KCNK13: variants seen among roughly 807,000 people sequenced by gnomAD.
KCNK13 encodes potassium two pore domain channel subfamily K member 13.
In KCNK13, 12 loss-of-function variants were observed where a neutral mutation model predicts 23.4. The ratio of observed to expected loss-of-function variants is 0.51; its 90% confidence interval spans 0.33 to 0.83. KCNK13 has a LOEUF of 0.83. Ranked by LOEUF, KCNK13 falls within the 40% of genes least tolerant of loss-of-function variation. The pLI, the probability that KCNK13 is intolerant of heterozygous loss-of-function variation, is 0.02. For synonymous variants in KCNK13, 231 were observed against 229.5 expected (o/e 1.01, Z -0.06); for missense variants, 463 against 556.3 (o/e 0.83, Z 1.69).
At chr14:90,107,863 G>C (rs542748319) in intron 1 of KCNK13, 84 of 826,530 alleles carry the variant, frequency 1.0e-4, no homozygotes, top group Non-Finnish European at 1.7e-4. Flanking sequence ...ATTTGGAACA[G>C]CTCACGGGAG....
intron 1 of KCNK13, among the ~76,000 whole-genome samples, chr14:90,112,368 AG>A (rs1001574118): frequency 1.4e-4 from 22 of 152,360 alleles, no homozygotes; most frequent in African/African-American, 4.6e-4. Flanking sequence ...AACATCAAAA[AG>A]AACTGGATGA....
chr14:90,154,767 T>C (rs563903486), intron 1 of KCNK13, among the ~76,000 whole-genome samples: 47 of 152,338 alleles, frequency 3.1e-4, no homozygotes, highest in African/African-American at 9.4e-4. Flanking sequence ...AATTTTCCCT[T>C]GGACACTTGC....
intron 1 of KCNK13, among the ~76,000 whole-genome samples, chr14:90,137,933 G>A (rs17223880): frequency 0.099 from 15,085 of 152,180 alleles, 1,059 homozygotes; most frequent in Admixed American, 0.25. Flanking sequence ...AGACAGGATC[G>A]GTTCTCAATG....
intron 1 of KCNK13, among the ~76,000 whole-genome samples, chr14:90,068,150 C>T (rs1030632700): frequency 1.9e-4 from 29 of 152,248 alleles, no homozygotes; most frequent in African/African-American, 6.3e-4. Context: ...ATGGCCACCA[C>T]CACCTGCAAG....
At chr14:90,136,514 A>T (rs1454843776) in intron 1 of KCNK13, among the ~76,000 whole-genome samples, 3 of 111,302 alleles carry the variant, frequency 2.7e-5, no homozygotes, top group African/African-American at 6.4e-5. Context: ...GGAGGGAATT[A>T]AAAAAAAAAA....
chr14:90,150,400 G>A (rs972787255), intron 1 of KCNK13, among the ~76,000 whole-genome samples: 1 of 152,110 alleles, frequency 6.6e-6, no homozygotes, highest in Non-Finnish European at 1.5e-5. Flanking sequence ...ACTGTTAGCG[G>A]CCAGGAGTTC....
At chr14:90,073,740 G>A (rs544572811) in intron 1 of KCNK13, among the ~76,000 whole-genome samples, 163 of 152,138 alleles carry the variant, frequency 1.1e-3, no homozygotes, top group African/African-American at 3.7e-3. Context: ...GCACGATCTC[G>A]GCTCACTGCA....
At position 90,184,089 on chromosome 14, in the gene KCNK13, C is replaced by T; in HGVS notation, c.335-22C>T. On this transcript the variant is annotated intron_variant, in intron 1 of 1. Coordinates refer to ENST00000282146, the MANE Select transcript of KCNK13 (RefSeq NM_022054.4). The surrounding 1 kb of genome is among the most constrained non-coding windows in gnomAD (Gnocchi z 5.6). The stretch of plus-strand genomic sequence containing the variant: ...CACAGCAAAGATTTCTCTTACTCTT[C>T]TCTCATTTTTCTCTCCTGCAGGGTT... The T allele has an allele frequency of 6.3e-7, 1 of 1,596,630 alleles. No homozygotes were observed. Among genetic ancestry groups the T allele is most frequent in the South Asian group, 1.1e-5 (1 of 88,774 alleles).
At chr14:90,131,709 T>G (rs1325090580) in intron 1 of KCNK13, among the ~76,000 whole-genome samples, 2 of 152,348 alleles carry the variant, frequency 1.3e-5, no homozygotes, top group Non-Finnish European at 2.9e-5. Context: ...TTGTAGATTT[T>G]GTAGAGGCAG....
intron 1 of KCNK13, among the ~76,000 whole-genome samples, chr14:90,135,776 G>T (rs1889929038): frequency 6.6e-6 from 1 of 152,148 alleles, no homozygotes; most frequent in Non-Finnish European, 1.5e-5. Flanking sequence ...TTTCATTTCT[G>T]GTTGAGTGTA....
chr14:90,160,262 T>C (rs971073316), intron 1 of KCNK13, among the ~76,000 whole-genome samples: 5 of 152,216 alleles, frequency 3.3e-5, no homozygotes, highest in African/African-American at 1.2e-4. Flanking sequence ...GCAAAGTTAA[T>C]GGAGTCTTCC....
chr14:90,183,711 A>T (rs1236741001), intron 1 of KCNK13, among the ~76,000 whole-genome samples: 2 of 152,180 alleles, frequency 1.3e-5, no homozygotes, highest in African/African-American at 4.8e-5. Context: ...TCTTCTTTGT[A>T]TGAGCCTTTG....
chr14:90,152,755 G>T (rs1263977142), intron 1 of KCNK13, among the ~76,000 whole-genome samples: 2 of 152,076 alleles, frequency 1.3e-5, no homozygotes, highest in East Asian at 1.9e-4. Context: ...TATTCTTTTT[G>T]CTCAAGATTG....
At chr14:90,096,174 A>G (rs1889408099) in intron 1 of KCNK13, among the ~76,000 whole-genome samples, 1 of 152,186 alleles carries the variant, frequency 6.6e-6, no homozygotes, top group Admixed American at 6.5e-5. Context: ...TTATATAGAC[A>G]TGATTGATTA....
chr14:90,130,205 T>TTTATTTATTTAC (rs1889851416), intron 1 of KCNK13, among the ~76,000 whole-genome samples: 1 of 150,992 alleles, frequency 6.6e-6, no homozygotes, highest in African/African-American at 2.4e-5. Context: ...TATTTATTTA[T>TTTATTTATTTAC]TTATTTATTT....
At chr14:90,143,031 G>A (rs1890027932) in intron 1 of KCNK13, among the ~76,000 whole-genome samples, 1 of 152,096 alleles carries the variant, frequency 6.6e-6, no homozygotes, top group Non-Finnish European at 1.5e-5. Flanking sequence ...GCCAATTGCT[G>A]GGCTGATGAA....
intron 1 of KCNK13, among the ~76,000 whole-genome samples, chr14:90,119,283 A>G (rs568642579): frequency 5.9e-5 from 9 of 152,202 alleles, no homozygotes; most frequent in African/African-American, 9.6e-5. Flanking sequence ...CTCCTCCCCA[A>G]TTCATTCTAT....
intron 1 of KCNK13, among the ~76,000 whole-genome samples, chr14:90,164,169 T>G (rs1336357506): frequency 6.6e-6 from 1 of 152,256 alleles, no homozygotes; most frequent in Non-Finnish European, 1.5e-5. Flanking sequence ...ACAATATTTT[T>G]GAACTTTTCC....
At chr14:90,103,789 G>A (rs1005276390) in intron 1 of KCNK13, among the ~76,000 whole-genome samples, 1 of 152,016 alleles carries the variant, frequency 6.6e-6, no homozygotes, top group East Asian at 1.9e-4. Context: ...TCTCAAACCC[G>A]GGACCTTAGG....
Sources: gnomAD v4.1 joint callset for allele counts (sites outside exome capture counted in the v4.1 genomes callset) on GRCh38, gnomAD v4.1.1 for gene constraint, Gnocchi (gnomAD v3.1) non-coding constraint, MANE v1.5 for transcripts, NCBI Gene and HGNC (gene_info 2026-07-23, HGNC 2026-07-21) for gene names.